Variants in PPDPFL observed in about 807,000 individuals in gnomAD.
PPDPFL encodes the protein pancreatic progenitor cell differentiation and proliferation factor like, also known as pancreatic progenitor cell differentiation and proliferation factor-like protein.
In PPDPFL, 12 loss-of-function variants were observed where a neutral mutation model predicts 12.6. The observed-to-expected ratio is 0.95, with a 90% CI of 0.61 to 1.54. The LOEUF (loss-of-function observed/expected upper bound fraction) is 1.54. PPDPFL is among the 40% of genes most tolerant of loss of function. PPDPFL has a pLI of 0.00. For synonymous variants in PPDPFL, 24 were observed against 32.7 expected, an observed-to-expected ratio of 0.73 and a Z score of 0.91; for missense variants, 114 against 96.0, an observed-to-expected ratio of 1.19 and a Z score of -0.78.
intron 1 of PPDPFL, among the ~76,000 whole-genome samples, chr8:49,057,474 A>G (rs1808129465): frequency 6.6e-6 from 1 of 152,156 alleles, no homozygotes. Flanking sequence ...ATATTTTACA[A>G]AATAATATGA....
At chr8:49,058,114 C>T (rs781774726) in intron 1 of PPDPFL, among the ~76,000 whole-genome samples, 6 of 152,068 alleles carry the variant, frequency 3.9e-5, no homozygotes, top group Non-Finnish European at 7.4e-5. Context: ...AAAAATTATC[C>T]ATTGTGGAAT....
At chr8:49,059,199 G>A (rs1808157142) in intron 1 of PPDPFL, among the ~76,000 whole-genome samples, 1 of 152,040 alleles carries the variant, frequency 6.6e-6, no homozygotes, top group Admixed American at 6.6e-5. Flanking sequence ...CCAGACCCAG[G>A]TCTATATATA....
chr8:49,065,455 G>A (rs1322722312), intron 1 of PPDPFL, among the ~76,000 whole-genome samples: 2 of 152,200 alleles, frequency 1.3e-5, no homozygotes, highest in South Asian at 2.1e-4. Flanking sequence ...AGCCAGGCAG[G>A]AGAGATGCAG....
At chr8:49,070,098 C>T (rs558371441), upstream of PPDPFL, among the ~76,000 whole-genome samples, 8 of 152,268 alleles carry the variant, frequency 5.3e-5, no homozygotes, top group Non-Finnish European at 8.8e-5. Flanking sequence ...TGCAGGAAGA[C>T]GAATGGGGCT....
intron 1 of PPDPFL, among the ~76,000 whole-genome samples, chr8:49,058,142 G>T (rs1269235556): frequency 6.6e-6 from 1 of 152,170 alleles, no homozygotes; most frequent in Non-Finnish European, 1.5e-5. Flanking sequence ...AAGGAAATTT[G>T]TCTTGGTTTA....
chr8:49,074,765 A>T, intron 4 of PPDPFL: 1 of 1,437,204 alleles, frequency 7.0e-7, no homozygotes, highest in Non-Finnish European at 9.1e-7. Flanking sequence ...TTGAATTGGG[A>T]GTTTGTGTGC....
intron 2 of PPDPFL, 140 bp from the exon 3 acceptor site, chr8:49,073,919 C>A: frequency 1.6e-6 from 1 of 622,254 alleles, no homozygotes; most frequent in Non-Finnish European, 2.8e-6. Flanking sequence ...GTAATTTGAT[C>A]AGTTTTTCAA....
chr8:49,054,528 T>C (rs544919186), intron 1 of PPDPFL, among the ~76,000 whole-genome samples: 1 of 152,294 alleles, frequency 6.6e-6, no homozygotes, highest in South Asian at 2.1e-4. Context: ...ACAGTTAAGA[T>C]ATTAGTAGTT....
At chr8:49,055,930 T>C (rs1808105797) in intron 1 of PPDPFL, among the ~76,000 whole-genome samples, 1 of 152,128 alleles carries the variant, frequency 6.6e-6, no homozygotes, top group African/African-American at 2.4e-5. Context: ...TACCACTACA[T>C]GTGTTCAATC....
intron 1 of PPDPFL, 22 bp from the exon 2 acceptor site, chr8:49,072,765 C>T (rs551966657): frequency 4.2e-5 from 54 of 1,271,386 alleles, no homozygotes; most frequent in Admixed American, 1.7e-4. Flanking sequence ...ATCAATGTCT[C>T]TTTTCTCTGT....
At chr8:49,061,945 A>AGAAAT (rs1446033192) in intron 1 of PPDPFL, among the ~76,000 whole-genome samples, 1 of 152,202 alleles carries the variant, frequency 6.6e-6, no homozygotes. Flanking sequence ...CTACAACTAC[A>AGAAAT]GAAATGGCCA....
At chr8:49,068,269 T>C (rs1041505348), upstream of PPDPFL, among the ~76,000 whole-genome samples, 1 of 152,192 alleles carries the variant, frequency 6.6e-6, no homozygotes, top group African/African-American at 2.4e-5. Flanking sequence ...ATGTGAGTAG[T>C]GTTATGATTC....
intron 1 of PPDPFL, among the ~76,000 whole-genome samples, chr8:49,057,851 T>C (rs1207964312): frequency 6.6e-6 from 1 of 152,182 alleles, no homozygotes; most frequent in Non-Finnish European, 1.5e-5. Flanking sequence ...CAATCAGAGA[T>C]TAACTGAAAA....
intron 1 of PPDPFL, among the ~76,000 whole-genome samples, chr8:49,056,415 C>T (rs979581662): frequency 6.6e-6 from 1 of 152,206 alleles, no homozygotes; most frequent in South Asian, 2.1e-4. Context: ...TCCTCCAACA[C>T]TCTTTCTCCT....
At chr8:49,075,027 A>T (rs1019460001) in intron 4 of PPDPFL, 125 bp from the exon 5 acceptor site, 1 of 1,461,134 alleles carries the variant, frequency 6.8e-7, no homozygotes, top group East Asian at 2.5e-5. Context: ...TTAAAAGCCA[A>T]TGCAAGATTG....
At chr8:49,062,958 C>G (rs527428030) in intron 1 of PPDPFL, among the ~76,000 whole-genome samples, 1 of 152,130 alleles carries the variant, frequency 6.6e-6, no homozygotes, top group Non-Finnish European at 1.5e-5. Context: ...TGTAACACCA[C>G]GGGAAGTGCA....
chr8:49,072,750 T>C, intron 1 of PPDPFL, 37 bp from the exon 2 acceptor site: 1 of 1,000,158 alleles, frequency 1.0e-6, no homozygotes, highest in Non-Finnish European at 1.5e-6. Context: ...CTCCCTGTTA[T>C]TCATATCAAT....
At chr8:49,061,100 C>T (rs1267178047) in intron 1 of PPDPFL, among the ~76,000 whole-genome samples, 2 of 151,968 alleles carry the variant, frequency 1.3e-5, no homozygotes, top group African/African-American at 4.8e-5. Context: ...CAGGTGGGGA[C>T]CCATAGTCTT....
intron 1 of PPDPFL, among the ~76,000 whole-genome samples, chr8:49,057,050 T>C (rs1808121852): frequency 6.6e-6 from 1 of 152,186 alleles, no homozygotes; most frequent in Admixed American, 6.5e-5. Flanking sequence ...GCAAACTTGG[T>C]ATTCAAACTT....
Sources: gnomAD v4.1 joint callset for allele counts (sites outside exome capture counted in the v4.1 genomes callset) on GRCh38, gnomAD v4.1.1 for gene constraint, MANE v1.5 for transcripts, NCBI Gene and HGNC (gene_info 2026-07-23, HGNC 2026-07-21) for gene names.